GRIA2: variants seen among roughly 807,000 people sequenced by gnomAD.
The protein encoded by GRIA2 is glutamate ionotropic receptor AMPA type subunit 2, also known as glutamate receptor 2.
A neutral mutation model predicts 97.3 loss-of-function variants in GRIA2; 14 were observed. The ratio of observed to expected loss-of-function variants is 0.14; its 90% confidence interval spans 0.10 to 0.23. The LOEUF (loss-of-function observed/expected upper bound fraction) is 0.23, where lower values mean the gene tolerates loss of function less well. GRIA2 is among the 10% of genes least tolerant of loss of function. GRIA2 has a pLI of 1.00. For missense variants in GRIA2, 558 were observed against 1,069.8 expected (o/e 0.52, Z 6.67); for synonymous variants, 412 against 387.8 (o/e 1.06, Z -0.73).
intron 12 of GRIA2, among the ~76,000 whole-genome samples, chr4:157,352,296 C>A (rs922593103): frequency 1.3e-5 from 2 of 152,064 alleles, no homozygotes; most frequent in African/African-American, 4.8e-5. Context: ...GGCTAATGAG[C>A]TATGCTAACT....
At chr4:157,279,033 G>T (rs1203382431) in intron 2 of GRIA2, among the ~76,000 whole-genome samples, 1 of 152,062 alleles carries the variant, frequency 6.6e-6, no homozygotes, top group African/African-American at 2.4e-5. Flanking sequence ...CAGCCAATTT[G>T]GAAAACAATT....
At chr4:157,316,508 G>T (rs893626523) in intron 4 of GRIA2, among the ~76,000 whole-genome samples, 2 of 152,012 alleles carry the variant, frequency 1.3e-5, no homozygotes, top group African/African-American at 4.8e-5. Context: ...TCTCCCAGGG[G>T]GTGTAAGAAT....
chr4:157,241,962 A>T (rs918673483), intron 2 of GRIA2, among the ~76,000 whole-genome samples: 4 of 152,088 alleles, frequency 2.6e-5, no homozygotes, highest in African/African-American at 9.7e-5. Flanking sequence ...CACATTACCA[A>T]TCTTATTTCA....
At chr4:157,345,974 A>G (rs1398056529) in intron 12 of GRIA2, among the ~76,000 whole-genome samples, 1 of 152,172 alleles carries the variant, frequency 6.6e-6, no homozygotes, top group Admixed American at 6.6e-5. Flanking sequence ...TAGACTTTTT[A>G]TAGTTTAGAA....
chr4:157,260,185 C>T (rs1258775362), intron 2 of GRIA2, among the ~76,000 whole-genome samples: 1 of 152,118 alleles, frequency 6.6e-6, no homozygotes, highest in Admixed American at 6.6e-5. Context: ...ATAGTTTAGA[C>T]TTGTCCAGGA....
At chr4:157,354,804 C>CTA (rs1295873086) in intron 12 of GRIA2, among the ~76,000 whole-genome samples, 1 of 152,140 alleles carries the variant, frequency 6.6e-6, no homozygotes, top group Non-Finnish European at 1.5e-5. Context: ...TAGGATCTTT[C>CTA]TATAGGGAAG....
intron 4 of GRIA2, among the ~76,000 whole-genome samples, chr4:157,313,745 ATG>A (rs2126888111): frequency 2.0e-5 from 3 of 151,728 alleles, no homozygotes; most frequent in African/African-American, 2.4e-5. Flanking sequence ...ATGAGTGTAT[ATG>A]TGTGTGTATA....
In GRIA2 at chr4:157,359,917, G is replaced by C; in HGVS notation, c.2065G>C (p.Asp689His). 2 of 1,613,700 alleles carry C rather than the reference G, an allele frequency of 1.2e-6. No individual in the cohort carries two copies. Among genetic ancestry groups the C allele is most frequent in the Non-Finnish European group, 1.7e-6 (2 of 1,179,756 alleles). Residue 689 changes from aspartate (D) to histidine (H), a missense_variant, in exon 13 of 16, where the codon GAT becomes CAT. This residue lies in a region of GRIA2 where 125 missense variants were observed against 310.2 expected (regional missense o/e 0.40). Transcript: ENST00000264426. ...GCAGAGATCTAAAATTGCAGTGTTT[G>C]ATAAAATGTGGACCTACATGCGGAG... is the stretch of plus-strand genomic sequence containing the variant. ...FFRRSKIAVF[D>H]KMWTYMRSAE... is the part of the protein sequence containing the mutation.
At chr4:157,263,987 T>A (rs542727610) in intron 2 of GRIA2, among the ~76,000 whole-genome samples, 1 of 152,224 alleles carries the variant, frequency 6.6e-6, no homozygotes, top group African/African-American at 2.4e-5. Context: ...ATTATCTTTT[T>A]TAGTGGTAAA....
rs966130671 is a variant in GRIA2 at position 157,363,792 on chromosome 4, C to T, written c.*361C>T. The T allele has an allele frequency of 8.2e-6, 3 of 367,708 alleles. No homozygotes were observed. The highest frequency in any genetic ancestry group is 2.1e-5 in the African/African-American group (1 of 47,844). 22.8% of individuals were successfully genotyped at this position (367,708 alleles called of 1,614,324 possible). A position where few individuals can be genotyped will look rare whatever the true frequency, so the allele number is the denominator to read the frequency against. ...TTTTCTACTCGAGTTACAGACAAAG[C>T]GTGGTGGACATGCACAGCTAACATG... On this transcript the variant is annotated 3_prime_UTR_variant, in exon 16 of 16. Coordinates refer to ENST00000264426, the MANE Select transcript of GRIA2 (RefSeq NM_001083619.3).
intron 2 of GRIA2, among the ~76,000 whole-genome samples, chr4:157,255,796 T>C (rs1731214724): frequency 6.6e-6 from 1 of 151,428 alleles, no homozygotes; most frequent in Non-Finnish European, 1.5e-5. Flanking sequence ...AAAAACCAAA[T>C]AAACAACCAT....
At chr4:157,243,613 A>T (rs983009300) in intron 2 of GRIA2, among the ~76,000 whole-genome samples, 2 of 152,118 alleles carry the variant, frequency 1.3e-5, no homozygotes, top group Non-Finnish European at 2.9e-5. Flanking sequence ...CTAAGCAACA[A>T]TTTTTGTGAA....
chr4:157,313,321 T>C (rs571396430), intron 4 of GRIA2, among the ~76,000 whole-genome samples: 1 of 152,254 alleles, frequency 6.6e-6, no homozygotes, highest in South Asian at 2.1e-4. Flanking sequence ...TATGTAGTTA[T>C]CTTTGCAAGA....
chr4:157,278,479 G>T, intron 2 of GRIA2, among the ~76,000 whole-genome samples: 1 of 152,018 alleles, frequency 6.6e-6, no homozygotes, highest in East Asian at 1.9e-4. Context: ...ACTCAAAAGG[G>T]AGCATAGGAC....
At chr4:157,329,353 A>G (rs2126924364) in intron 6 of GRIA2, among the ~76,000 whole-genome samples, 1 of 152,076 alleles carries the variant, frequency 6.6e-6, no homozygotes, top group South Asian at 2.1e-4. Context: ...TTTTTAACTA[A>G]ATAATTGAGG....
chr4:157,333,152 A>G (rs1388632073), intron 7 of GRIA2, 97 bp from the exon 8 acceptor site: 11 of 902,222 alleles, frequency 1.2e-5, no homozygotes, highest in Non-Finnish European at 1.9e-5. Flanking sequence ...TTATTGATGT[A>G]GTTTTCTTGA....
At chr4:157,230,396 T>C (rs1393702483) in intron 2 of GRIA2, among the ~76,000 whole-genome samples, 1 of 152,166 alleles carries the variant, frequency 6.6e-6, no homozygotes, top group African/African-American at 2.4e-5. Flanking sequence ...TTAAAAGTGA[T>C]GGCGGGAAAG....
intron 2 of GRIA2, among the ~76,000 whole-genome samples, chr4:157,243,285 G>A (rs1344809602): frequency 6.6e-6 from 1 of 152,106 alleles, no homozygotes; most frequent in Non-Finnish European, 1.5e-5. Flanking sequence ...ATTTGAGCCA[G>A]TTTAGGCAAA....
chr4:157,359,267 T>C (rs546840583), intron 12 of GRIA2, among the ~76,000 whole-genome samples: 87 of 152,272 alleles, frequency 5.7e-4, no homozygotes, highest in African/African-American at 2.0e-3. Flanking sequence ...TTCCAGTATA[T>C]CTTGAAATAA....
Sources: gnomAD v4.1 joint callset for allele counts (sites outside exome capture counted in the v4.1 genomes callset) on GRCh38, gnomAD v4.1.1 for gene constraint, gnomAD v4.1.1 regional missense constraint, MANE v1.5 for transcripts, NCBI Gene and HGNC (gene_info 2026-07-23, HGNC 2026-07-21) for gene names.